Variants in RYR3 observed in about 807,000 individuals in gnomAD.
The protein encoded by RYR3 is brain ryanodine receptor-calcium release channel.
In RYR3, 207 loss-of-function variants were observed where a neutral mutation model predicts 584.3. The observed-to-expected ratio is 0.35, with a 90% confidence interval of 0.32 to 0.40. The LOEUF (loss-of-function observed/expected upper bound fraction) is 0.40. Ranked by LOEUF, RYR3 falls within the 10% of genes least tolerant of loss-of-function variation. The probability of loss-of-function intolerance (pLI) is 1.00; values close to 1 mark genes in which losing one functional copy is unlikely to be tolerated. For synonymous variants in RYR3, 2,416 were observed against 2,248.5 expected (o/e 1.07, Z -2.11); for missense variants, 5,616 against 6,089.2 (o/e 0.92, Z 2.59).
chr15:33,829,621 C>T (rs975800786), intron 85 of RYR3, among the ~76,000 whole-genome samples: 1 of 151,788 alleles, frequency 6.6e-6, no homozygotes, highest in African/African-American at 2.4e-5. Context: ...GGCATGGTGG[C>T]GGGTGCCTGT....
chr15:33,513,023 A>G (rs2053177262), intron 3 of RYR3, among the ~76,000 whole-genome samples: 1 of 152,214 alleles, frequency 6.6e-6, no homozygotes, highest in African/African-American at 2.4e-5. Flanking sequence ...TTCTGGCAAC[A>G]TGTTTTAATC....
intron 16 of RYR3, among the ~76,000 whole-genome samples, chr15:33,587,031 G>A (rs1389503450): frequency 1.1e-5 from 1 of 87,618 alleles, no homozygotes; most frequent in Middle Eastern, 5.4e-3. Context: ...TGGGGGGACT[G>A]CGTATTTGAG....
intron 93 of RYR3, among the ~76,000 whole-genome samples, chr15:33,846,844 A>G (rs1334909711): frequency 6.6e-6 from 1 of 152,252 alleles, no homozygotes; most frequent in Non-Finnish European, 1.5e-5. Context: ...AGGTATGTGT[A>G]AATGTACTCA....
At chr15:33,368,023 G>C (rs1481563940) in intron 1 of RYR3, among the ~76,000 whole-genome samples, 1 of 152,148 alleles carries the variant, frequency 6.6e-6, no homozygotes, top group Non-Finnish European at 1.5e-5. Flanking sequence ...TGGGAAGGAA[G>C]GGGGGAAGCT....
intron 47 of RYR3, among the ~76,000 whole-genome samples, chr15:33,730,374 C>T (rs2068846546): frequency 6.6e-6 from 1 of 152,152 alleles, no homozygotes; most frequent in African/African-American, 2.4e-5. Context: ...CATAGACATT[C>T]ATGCATTCTC....
intron 7 of RYR3, among the ~76,000 whole-genome samples, chr15:33,542,479 G>C (rs924496744): frequency 6.6e-6 from 1 of 152,114 alleles, no homozygotes; most frequent in East Asian, 1.9e-4. Flanking sequence ...ATGCAAAGGA[G>C]GTTATAACTC....
chr15:33,838,285 T>G lies in RYR3; in HGVS notation c.12305T>G (p.Ile4102Ser). 1.2e-6 allele frequency: 2 copies of G among 1,613,994 alleles called. No homozygotes were observed. The highest frequency in any genetic ancestry group is 1.7e-6 in the Non-Finnish European group (2 of 1,179,884). ...TIFEMQLASQ[I>S]SESDSADRPE... ...TTTGAAATGCAGTTAGCATCTCAGA[T>G]CTCTGAATCCGATTCAGCTGACAGG... Residue 4102 changes from isoleucine to serine, a missense_variant, in exon 89 of 104, where the codon ATC (isoleucine) becomes AGC (serine). Ile to Ser is a moderately radical substitution (Grantham distance 142, BLOSUM62 -2). Around this residue, in one of 9 missense-constraint regions of RYR3, gnomAD observed 258 missense variants for 297.3 expected, o/e 0.87. Coordinates refer to ENST00000634891, the MANE Select transcript of RYR3 (RefSeq NM_001036.6).
chr15:33,753,722 T>C (rs1479410451), intron 57 of RYR3, among the ~76,000 whole-genome samples: 2 of 152,188 alleles, frequency 1.3e-5, no homozygotes, highest in African/African-American at 4.8e-5. Flanking sequence ...ATTTGCCGTG[T>C]TGTCGAACAG....
chr15:33,810,790 C>T (rs894184353), intron 71 of RYR3, 141 bp downstream of exon 71: 8 of 1,133,374 alleles, frequency 7.1e-6, no homozygotes, highest in Non-Finnish European at 1.0e-5. Flanking sequence ...GGCAACACGC[C>T]CTCATCTTTA....
chr15:33,433,617 T>G (rs1440090121), intron 1 of RYR3, among the ~76,000 whole-genome samples: 1 of 152,228 alleles, frequency 6.6e-6, no homozygotes, highest in African/African-American at 2.4e-5. Flanking sequence ...ATTGACTGTG[T>G]AGCATCTTTT....
At chr15:33,649,310 C>T in intron 31 of RYR3, 75 bp downstream of exon 31, 1 of 1,398,176 alleles carries the variant, frequency 7.2e-7, no homozygotes, top group African/African-American at 1.4e-5. Context: ...TCTTCCACCC[C>T]ACACCCAAAG....
At chr15:33,722,045 C>T (rs1445505260) in intron 43 of RYR3, among the ~76,000 whole-genome samples, 1 of 152,154 alleles carries the variant, frequency 6.6e-6, no homozygotes, top group Non-Finnish European at 1.5e-5. Context: ...CCAGAAATGA[C>T]CTGAAGTCCC....
intron 2 of RYR3, among the ~76,000 whole-genome samples, chr15:33,502,802 A>C (rs1024222623): frequency 2.6e-4 from 40 of 152,352 alleles, no homozygotes; most frequent in African/African-American, 8.4e-4. Flanking sequence ...ACCCTTGGGC[A>C]GGCGACCTAA....
In RYR3 at chr15:33,473,496, T is replaced by G. The variant is rs1349358283; in HGVS notation, c.129T>G (p.Leu43=). Residue 43 remains leucine, a synonymous_variant, in exon 2 of 104, where the codon CTT becomes CTG. Coordinates refer to ENST00000634891, the MANE Select transcript of RYR3 (RefSeq NM_001036.6). ...QRKFCLAAEG[L]GNRLCFLEPT... is the part of the protein sequence containing the mutation. ...AGTTCTGCCTGGCAGCCGAGGGACT[T>G]GGGAATCGCCTGTGCTTCTTGGAAC... 6.2e-7 allele frequency: 1 copy of G among 1,613,982 alleles called. No individual in the cohort carries two copies.
chr15:33,787,332 T>C (rs1721172526), intron 66 of RYR3, among the ~76,000 whole-genome samples: 1 of 152,220 alleles, frequency 6.6e-6, no homozygotes, highest in Non-Finnish European at 1.5e-5. Flanking sequence ...ATTAACCTTC[T>C]CTTTCTAAAA....
chr15:33,833,270 A>G (rs573283936), intron 86 of RYR3, among the ~76,000 whole-genome samples: 17 of 152,320 alleles, frequency 1.1e-4, no homozygotes, highest in Non-Finnish European at 4.4e-5. Flanking sequence ...TTATATTCCA[A>G]GAGTCCAAGA....
At chr15:33,679,264 CA>C (rs35778427) in intron 38 of RYR3, among the ~76,000 whole-genome samples, 3 of 150,934 alleles carry the variant, frequency 2.0e-5, no homozygotes, top group Non-Finnish European at 4.4e-5. Flanking sequence ...GGACAGTCAT[CA>C]AAAAGGCCAT....
intron 32 of RYR3, among the ~76,000 whole-genome samples, chr15:33,654,288 AC>A (rs1419927162): frequency 6.6e-6 from 1 of 152,120 alleles, no homozygotes; most frequent in Non-Finnish European, 1.5e-5. Context: ...GCCGAGGCAG[AC>A]AGATCATTTG....
At chr15:33,318,906 C>T (rs542650452) in intron 1 of RYR3, among the ~76,000 whole-genome samples, 14 of 152,188 alleles carry the variant, frequency 9.2e-5, no homozygotes, top group Non-Finnish European at 2.1e-4. Context: ...TATTCATTAA[C>T]ACGTCACTCA....
Sources: allele counts gnomAD v4.1 joint callset (sites outside exome capture counted in the v4.1 genomes callset), GRCh38; gene constraint gnomAD v4.1.1; regional missense constraint gnomAD v4.1.1; transcripts MANE v1.5; gene names NCBI Gene and HGNC (gene_info 2026-07-23, HGNC 2026-07-21).